ANO7: variants seen among roughly 807,000 people sequenced by gnomAD.
The protein encoded by ANO7 is anoctamin-7.
In ANO7, 114 loss-of-function variants were observed where a neutral mutation model predicts 115.8. The ratio of observed to expected loss-of-function variants is 0.98; its 90% CI spans 0.85 to 1.15. ANO7 has a LOEUF of 1.15. Among genes scored for constraint, ANO7 ranks in the 50% most tolerant of loss-of-function variants. The pLI is 0.00. For missense variants in ANO7, 1,302 were observed against 1,201.2 expected, an observed-to-expected ratio of 1.08 and a Z score of -1.24; for synonymous variants, 550 against 498.2, an observed-to-expected ratio of 1.10 and a Z score of -1.38.
chr2:241,235,873 C>G, the ANO7 span, among the ~76,000 whole-genome samples: 1 of 152,210 alleles, frequency 6.6e-6, no homozygotes, highest in Non-Finnish European at 1.5e-5. Flanking sequence ...AGGAGAGGCC[C>G]TGACTCCTGG....
the ANO7 span, chr2:241,236,211 C>T: frequency 0.019 from 4,629 of 244,572 alleles, 275 homozygotes; most frequent in Admixed American, 0.12. Flanking sequence ...GAGCAGCATC[C>T]AGTACGCAGG....
rs1400149455 is a variant in ANO7 at position 241,225,878 on chromosome 2, A to G, written c.*1725A>G. 6.6e-6 allele frequency among the ~76,000 whole-genome samples: 1 copy of G among 152,192 alleles called. No individual in the cohort carries two copies. The highest frequency in any genetic ancestry group is 1.5e-5 in the Non-Finnish European group (1 of 68,028). The stretch of plus-strand genomic sequence containing the variant: ...CTTTACACAGATGGGGAGCTCAGCC[A>G]TTCCACGTGTGCTTTCGCTCAGCAC... On this transcript the variant is annotated 3_prime_UTR_variant, in exon 25 of 25. Coordinates refer to ENST00000674324, the MANE Select transcript of ANO7 (RefSeq NM_001370694.2).
At chr2:241,235,480 A>T in the ANO7 span, 1 of 1,606,170 alleles carries the variant, frequency 6.2e-7, no homozygotes, top group East Asian at 2.2e-5. Context: ...CTCCCGGGAA[A>T]GGGGTCTACC....
At chr2:241,202,113 C>A (rs1007492489) in intron 7 of ANO7, 81 bp from the exon 8 acceptor site, 2 of 1,239,648 alleles carry the variant, frequency 1.6e-6, no homozygotes, top group African/African-American at 1.5e-5. Context: ...ATGGCCTTGG[C>A]CTAAAGACAG....
At chr2:241,226,228 A>G (rs1410336235), downstream of ANO7, among the ~76,000 whole-genome samples, 7 of 151,760 alleles carry the variant, frequency 4.6e-5, no homozygotes, top group African/African-American at 1.5e-4. Flanking sequence ...CCAAGCAGAG[A>G]TGGAACTGGG....
At chr2:241,214,777 C>T (rs1239611236) in intron 17 of ANO7, 28 bp from the exon 18 acceptor site, 3 of 1,602,728 alleles carry the variant, frequency 1.9e-6, no homozygotes, top group Non-Finnish European at 2.5e-6. Context: ...TCCCCCTCTC[C>T]CAGCTAACCT....
chr2:241,208,820 A>G (rs2068645261), intron 11 of ANO7, among the ~76,000 whole-genome samples: 1 of 152,204 alleles, frequency 6.6e-6, no homozygotes, highest in Non-Finnish European at 1.5e-5. Context: ...GTCCTGAGGC[A>G]AAATTCCTCT....
the ANO7 span, chr2:241,236,225 C>T: frequency 7.8e-6 from 2 of 256,708 alleles, no homozygotes; most frequent in East Asian, 9.4e-5. Flanking sequence ...ACGCAGGTGG[C>T]ACTCGACACT....
the ANO7 span, chr2:241,235,105 G>C: frequency 3.7e-6 from 6 of 1,610,238 alleles, no homozygotes; most frequent in Non-Finnish European, 5.1e-6. Context: ...CAGTGCCCCG[G>C]CCACCTCCTG....
At chr2:241,192,764 A>T (rs903525057) in intron 3 of ANO7, among the ~76,000 whole-genome samples, 6 of 152,230 alleles carry the variant, frequency 3.9e-5, no homozygotes, top group Non-Finnish European at 8.8e-5. Flanking sequence ...AAAGTCTGAC[A>T]CAGGCTGCAA....
At chr2:241,215,952 C>T (rs2068819180) in intron 18 of ANO7, 141 bp from the exon 19 acceptor site, 2 of 1,058,210 alleles carry the variant, frequency 1.9e-6, no homozygotes, top group African/African-American at 1.6e-5. Context: ...GTCCACCCCT[C>T]AGCCCCAGAC....
At chr2:241,205,372 G>C (rs28473054) in intron 10 of ANO7, among the ~76,000 whole-genome samples, 1 of 146,208 alleles carries the variant, frequency 6.8e-6, no homozygotes, top group Non-Finnish European at 1.5e-5. Context: ...AGGCTGATAG[G>C]TGGACAGGAG....
intron 17 of ANO7, among the ~76,000 whole-genome samples, chr2:241,213,509 A>G (rs544561587): frequency 1.3e-5 from 2 of 152,374 alleles, no homozygotes; most frequent in South Asian, 4.1e-4. Context: ...ATTCTGGTGC[A>G]AGTAACTGAC....
the ANO7 span, among the ~76,000 whole-genome samples, chr2:241,236,987 G>A: frequency 8.0e-5 from 12 of 150,502 alleles, no homozygotes; most frequent in East Asian, 3.9e-4. Context: ...TGGGGGGGGG[G>A]GGGGGGGCGG....
intron 21 of ANO7, among the ~76,000 whole-genome samples, chr2:241,220,495 G>A (rs1005898470): frequency 2.0e-5 from 3 of 151,742 alleles, no homozygotes; most frequent in South Asian, 2.1e-4. Context: ...TCAGGAGTTC[G>A]AGACCAGCCT....
intron 6 of ANO7, among the ~76,000 whole-genome samples, chr2:241,200,500 G>A (rs1199597261): frequency 6.6e-6 from 1 of 152,248 alleles, no homozygotes; most frequent in Non-Finnish European, 1.5e-5. Flanking sequence ...CACGTGTGGT[G>A]GGGCGGCGCG....
intron 2 of ANO7, among the ~76,000 whole-genome samples, chr2:241,190,535 C>A (rs866037120): frequency 1.3e-5 from 2 of 152,232 alleles, no homozygotes; most frequent in Admixed American, 6.5e-5. Flanking sequence ...AGGGCTCCAC[C>A]TTGTCACTAG....
In ANO7 at chr2:241,212,217, C is replaced by A. The variant is rs1180686585; in HGVS notation, c.1673+12C>A. 1 of 1,598,618 alleles carries A rather than the reference C, an allele frequency of 6.3e-7. No individual in the cohort carries two copies. The highest frequency in any genetic ancestry group is 1.7e-5 in the Admixed American group (1 of 60,008). On this transcript the variant is annotated intron_variant, in intron 16 of 24. Transcript: ENST00000674324. Reference sequence around the variant, plus strand: ...TTCTTCAAGGGCAGGTTGGTGGGCACCTCTCCCTCTGGCCACAGCTTGTCC... The same window carrying A: ...TTCTTCAAGGGCAGGTTGGTGGGCAACTCTCCCTCTGGCCACAGCTTGTCC...
At chr2:241,236,683 T>A in the ANO7 span, 2 of 1,614,136 alleles carry the variant, frequency 1.2e-6, no homozygotes, top group Non-Finnish European at 1.7e-6. Flanking sequence ...TCACACCTCC[T>A]TGGAGAGCCG....
Sources: allele counts gnomAD v4.1 joint callset (sites outside exome capture counted in the v4.1 genomes callset), GRCh38; gene constraint gnomAD v4.1.1; transcripts MANE v1.5; gene names NCBI Gene and HGNC (gene_info 2026-07-23, HGNC 2026-07-21).